The following PRDM16 variants were observed in gnomAD, a reference collection of about 807,000 sequenced individuals.
PRDM16 encodes the protein PR/SET domain 16, also known as histone-lysine N-methyltransferase PRDM16.
In PRDM16, 23 loss-of-function variants were observed where a neutral mutation model predicts 110.6. That is an observed-to-expected ratio of 0.21 (90% confidence interval 0.15 to 0.29). The LOEUF is 0.29. PRDM16 is among the 10% of genes least tolerant of loss of function. The pLI, the probability that PRDM16 is intolerant of heterozygous loss-of-function variation, is 1.00. For missense variants in PRDM16, 1,615 were observed against 1,794.3 expected, an observed-to-expected ratio of 0.90 and a Z score of 1.81; for synonymous variants, 799 against 781.8, an observed-to-expected ratio of 1.02 and a Z score of -0.37.
rs114841495 is a variant in PRDM16, at chr1:3,358,643, G to C, written c.439-26509G>C. On this transcript the variant is annotated intron_variant, in intron 3 of 16. Coordinates refer to ENST00000270722, the MANE Select transcript of PRDM16 (RefSeq NM_022114.4). The surrounding 1 kb of genome is among the most constrained non-coding windows in gnomAD (Gnocchi z 4.0). ...AAGAGCTCAGAAACATCTCCGATTG[G>C]AACACGACACAGACCATCCTTCCCA... 3.7e-3 allele frequency among the ~76,000 whole-genome samples: 569 copies of C among 152,270 alleles called. 3 individuals carry two copies. The highest frequency in any genetic ancestry group is 0.013 in the African/African-American group (542 of 41,544).
At chr1:3,140,951 G>T (rs563987540) in intron 1 of PRDM16, among the ~76,000 whole-genome samples, 1 of 152,162 alleles carries the variant, frequency 6.6e-6, no homozygotes, top group African/African-American at 2.4e-5. Context: ...TTTTACTCCC[G>T]ATACGGATCC....
At chr1:3,260,556 T>C (rs1003455780) in intron 3 of PRDM16, among the ~76,000 whole-genome samples, 1 of 151,578 alleles carries the variant, frequency 6.6e-6, no homozygotes, top group African/African-American at 2.4e-5. Flanking sequence ...TGCTTGAGAC[T>C]CAGAGTGAGA....
At chr1:3,361,234 G>A (rs985965629) in intron 3 of PRDM16, among the ~76,000 whole-genome samples, 7 of 152,108 alleles carry the variant, frequency 4.6e-5, no homozygotes, top group Admixed American at 2.0e-4. Context: ...CCTGTGGGCC[G>A]TCTCCCCTGG....
chr1:3,346,061 G>A (rs1025499435), intron 3 of PRDM16, among the ~76,000 whole-genome samples: 9 of 152,260 alleles, frequency 5.9e-5, no homozygotes, highest in East Asian at 3.9e-4. Flanking sequence ...CTCATTCTCC[G>A]TCAACACCCA....
chr1:3,402,661 G>C, intron 5 of PRDM16, 130 bp from the exon 6 acceptor site: 1 of 738,298 alleles, frequency 1.4e-6, no homozygotes, highest in Non-Finnish European at 2.3e-6. Flanking sequence ...GAAGGAAGCA[G>C]TGCAGGACTG....
At chr1:3,335,215 G>C (rs779125445) in intron 3 of PRDM16, among the ~76,000 whole-genome samples, 2 of 152,216 alleles carry the variant, frequency 1.3e-5, no homozygotes, top group Non-Finnish European at 1.5e-5. Flanking sequence ...GAGAGGAAGC[G>C]TGTTTGGGGA....
intron 3 of PRDM16, among the ~76,000 whole-genome samples, chr1:3,362,756 AC>A (rs1642739979): frequency 6.6e-6 from 1 of 152,118 alleles, no homozygotes; most frequent in Non-Finnish European, 1.5e-5. Flanking sequence ...TCACAACCTC[AC>A]AGATCCTAAA....
At chr1:3,135,578 C>T (rs1166159604) in intron 1 of PRDM16, among the ~76,000 whole-genome samples, 2 of 152,118 alleles carry the variant, frequency 1.3e-5, no homozygotes, top group Non-Finnish European at 2.9e-5. Flanking sequence ...CCGTGGCCCG[C>T]AGGTGACACA....
intron 1 of PRDM16, among the ~76,000 whole-genome samples, chr1:3,110,483 C>A (rs1240836796): frequency 7.3e-6 from 1 of 137,806 alleles, no homozygotes; most frequent in Non-Finnish European, 1.5e-5. Flanking sequence ...GGTGTGGGGA[C>A]ACAGTGTCTG....
intron 9 of PRDM16, among the ~76,000 whole-genome samples, chr1:3,413,586 G>A (rs1365007277): frequency 6.6e-6 from 1 of 152,186 alleles, no homozygotes; most frequent in Non-Finnish European, 1.5e-5. Context: ...GCCATGCAAG[G>A]AGACAGGCAG....
chr1:3,114,045 G>A (rs1642856777), intron 1 of PRDM16, among the ~76,000 whole-genome samples: 1 of 152,200 alleles, frequency 6.6e-6, no homozygotes, highest in African/African-American at 2.4e-5. Context: ...GGAGTTTCAG[G>A]GACAAAGTTG....
intron 1 of PRDM16, among the ~76,000 whole-genome samples, chr1:3,111,893 C>T (rs554497954): frequency 6.6e-6 from 1 of 152,334 alleles, no homozygotes; most frequent in South Asian, 2.1e-4. Context: ...GCCTCTGCGC[C>T]GCTCCCCAGC....
chr1:3,284,693 G>C (rs374887422), intron 3 of PRDM16, among the ~76,000 whole-genome samples: 1 of 152,340 alleles, frequency 6.6e-6, no homozygotes, highest in South Asian at 2.1e-4. Context: ...GGAATCTGAG[G>C]GTTCATTCTC....
chr1:3,119,862 A>G (rs990347726), intron 1 of PRDM16, among the ~76,000 whole-genome samples: 5 of 152,188 alleles, frequency 3.3e-5, no homozygotes, highest in Non-Finnish European at 4.4e-5. Context: ...GCCCATCTGC[A>G]GTGTGCGGGG....
rs74050105 is a variant in PRDM16 at position 3,115,408 on chromosome 1, C to T, written c.37+46112C>T. Among the ~76,000 whole-genome samples, 851 of 152,306 alleles carry T rather than the reference C, an allele frequency of 5.6e-3. 5 individuals carry two copies. Among genetic ancestry groups the T allele is most frequent in the African/African-American group, 0.018 (740 of 41,552 alleles). On this transcript the variant is annotated intron_variant, in intron 1 of 16. Transcript: ENST00000270722. ...CAGCTCCTGAGCAAACCCAGCGGGACGGGGAGATGACAAATGATGGGATTG... is the reference window on the plus strand; with the variant it reads ...CAGCTCCTGAGCAAACCCAGCGGGATGGGGAGATGACAAATGATGGGATTG...
At chr1:3,383,052 C>A (rs1398430516) in intron 3 of PRDM16, among the ~76,000 whole-genome samples, 1 of 152,230 alleles carries the variant, frequency 6.6e-6, no homozygotes, top group Non-Finnish European at 1.5e-5. Context: ...ACAGGCCCAC[C>A]TACAGTTCCG....
At chr1:3,360,448 C>T (rs1387189089) in intron 3 of PRDM16, among the ~76,000 whole-genome samples, 2 of 152,212 alleles carry the variant, frequency 1.3e-5, no homozygotes, top group Admixed American at 1.3e-4. Flanking sequence ...GCTGACACCA[C>T]CGACACGTTG....
intron 8 of PRDM16, among the ~76,000 whole-genome samples, chr1:3,411,058 A>G (rs1470977901): frequency 1.8e-5 from 2 of 113,680 alleles, no homozygotes; most frequent in African/African-American, 6.7e-5. Context: ...GCACACACAC[A>G]TATGTTTCCA....
chr1:3,226,974 T>C (rs1313710579), intron 2 of PRDM16, among the ~76,000 whole-genome samples: 1 of 152,242 alleles, frequency 6.6e-6, no homozygotes, highest in African/African-American at 2.4e-5. Context: ...TGGTTAATGT[T>C]AGTTAATAAA....
Sources: allele counts gnomAD v4.1 joint callset (sites outside exome capture counted in the v4.1 genomes callset), GRCh38; gene constraint gnomAD v4.1.1; non-coding constraint Gnocchi (gnomAD v3.1); transcripts MANE v1.5; gene names NCBI Gene and HGNC (gene_info 2026-07-23, HGNC 2026-07-21).